The following SET variants were observed in gnomAD, a reference collection of about 807,000 sequenced individuals.
SET encodes the protein protein SET.
A neutral mutation model predicts 39.0 loss-of-function variants in SET; 4 were observed. The ratio of observed to expected loss-of-function variants is 0.10; its 90% confidence interval spans 0.05 to 0.23. The LOEUF (loss-of-function observed/expected upper bound fraction) is 0.23. Ranked by LOEUF, SET falls within the 10% of genes least tolerant of loss-of-function variation. The pLI is 1.00. For synonymous variants in SET, 114 were observed against 115.9 expected (o/e 0.98, Z 0.11); for missense variants, 137 against 329.7 (o/e 0.42, Z 4.53).
At chr9:128,687,028 G>T (rs1287345578), upstream of SET, among the ~76,000 whole-genome samples, 1 of 152,174 alleles carries the variant, frequency 6.6e-6, no homozygotes, top group African/African-American at 2.4e-5. Context: ...ATTGCTACTT[G>T]GTTTAGAATC....
In SET at chr9:128,693,880, CTT is replaced by C. The variant is rs140324291; in HGVS notation, c.664-5_664-4del. On this transcript the variant is annotated splice_polypyrimidine_tract_variant and intron_variant, in intron 6 of 7. Transcript: ENST00000322030. Reference sequence around the variant, plus strand: ...TTTAAAAATGAGTCCTTATATTGTGCTTTTTTTTTTTTAAGGTTCCCGATATG... The same window carrying C: ...TTTAAAAATGAGTCCTTATATTGTGCTTTTTTTTTTAAGGTTCCCGATATG... The C allele has an allele frequency of 1.1e-4, 142 of 1,282,202 alleles. No homozygotes were observed. Among genetic ancestry groups the C allele is most frequent in the Admixed American group, 2.6e-4 (12 of 45,856 alleles). The allele number at this position is 1,282,202 out of a possible 1,614,324, so 79.4% of individuals were successfully genotyped here. A position where few individuals can be genotyped will look rare whatever the true frequency, so the allele number is the denominator to read the frequency against.
chr9:128,690,917 G>A, intron 1 of SET: 1 of 539,062 alleles, frequency 1.9e-6, no homozygotes, highest in South Asian at 2.1e-5. Flanking sequence ...TCGGTCTGTT[G>A]TAGTGAAACT....
chr9:128,684,089 T>C (rs1408754619), intron 1 of SET: 1 of 1,136,848 alleles, frequency 8.8e-7, no homozygotes, highest in African/African-American at 1.6e-5. Flanking sequence ...CCAATCCCTC[T>C]TGAGATGTGA....
intron 1 of SET, 119 bp downstream of exon 1, chr9:128,689,774 G>A (rs1304411940): frequency 6.7e-6 from 1 of 149,972 alleles, no homozygotes; most frequent in Non-Finnish European, 1.4e-5. Context: ...GGGGCGCGGC[G>A]CGGCCGGGCG....
chr9:128,687,243 C>T (rs903524869), upstream of SET, among the ~76,000 whole-genome samples: 1 of 151,232 alleles, frequency 6.6e-6, no homozygotes, highest in Non-Finnish European at 1.5e-5. Context: ...CCTGTAATCC[C>T]AGATACTCGG....
In SET at chr9:128,694,790, G is replaced by C. The variant is rs1055658783; in HGVS notation, c.*126G>C. ...TGTGCTCAGTCGCCCTGTTCTTGAG[G>C]TCTCTTTTCTCTACTCCATGGTTCT... is the stretch of plus-strand genomic sequence containing the variant. On this transcript the variant is annotated 3_prime_UTR_variant, in exon 8 of 8. Transcript: ENST00000322030. 2 of 524,764 alleles carry C rather than the reference G, an allele frequency of 3.8e-6. No individual in the cohort carries two copies. The highest frequency in any genetic ancestry group is 6.4e-6 in the Non-Finnish European group (2 of 313,336). 32.5% of individuals were successfully genotyped at this position (524,764 alleles called of 1,614,324 possible). A position where few individuals can be genotyped will look rare whatever the true frequency, so the allele number is the denominator to read the frequency against.
chr9:128,684,971 T>C, upstream of SET: 1 of 1,372,670 alleles, frequency 7.3e-7, no homozygotes, highest in Non-Finnish European at 9.6e-7. Flanking sequence ...TGACTAGGTC[T>C]GGCTCATAGG....
upstream of SET, among the ~76,000 whole-genome samples, chr9:128,686,544 G>A (rs766137663): frequency 2.0e-5 from 3 of 152,192 alleles, no homozygotes; most frequent in African/African-American, 4.8e-5. Context: ...GGAGCGGGTC[G>A]TGAAATCAAT....
chr9:128,696,155 T>C lies in SET; in HGVS notation c.*1491T>C, dbSNP rs568770747. On this transcript the variant is annotated 3_prime_UTR_variant, in exon 8 of 8. Transcript: ENST00000322030. Reference sequence around the variant, plus strand: ...ATAAGCTTTTTAATGCTGTAAAATATAGTCGCTGAAATTAAATGCCACTTT... The same window carrying C: ...ATAAGCTTTTTAATGCTGTAAAATACAGTCGCTGAAATTAAATGCCACTTT... 33 of 215,364 alleles carry C rather than the reference T, an allele frequency of 1.5e-4. No individual in the cohort carries two copies. Among genetic ancestry groups the C allele is most frequent in the Middle Eastern group, 1.5e-3 (1 of 676 alleles). The allele number at this position is 215,364 out of a possible 1,614,324, so 13.3% of individuals were successfully genotyped here. A position where few individuals can be genotyped will look rare whatever the true frequency, so the allele number is the denominator to read the frequency against.
chr9:128,691,071 T>C, intron 1 of SET, 99 bp from the exon 2 acceptor site: 1 of 944,976 alleles, frequency 1.1e-6, no homozygotes, highest in South Asian at 1.3e-5. Context: ...CTAGGCGTTT[T>C]TGTTTTTGTT....
At chr9:128,691,789 T>C in intron 2 of SET, 69 bp from the exon 3 acceptor site, 1 of 1,462,826 alleles carries the variant, frequency 6.8e-7, no homozygotes, top group Non-Finnish European at 9.3e-7. Context: ...AAATACACTC[T>C]GTAATCTCAA....
intron 1 of SET, 70 bp from the exon 2 acceptor site, chr9:128,691,097 ATAT>A (rs1564359786): frequency 1.7e-6 from 2 of 1,176,384 alleles, no homozygotes; most frequent in South Asian, 2.5e-5. Flanking sequence ...GGCTTTTGGA[ATAT>A]TATAGTATTA....
At chr9:128,687,564 C>T (rs368569075), upstream of SET, among the ~76,000 whole-genome samples, 12 of 148,020 alleles carry the variant, frequency 8.1e-5, no homozygotes, top group East Asian at 2.4e-3. Context: ...GCTGAGATGG[C>T]ACCACTGCAC....
upstream of SET, among the ~76,000 whole-genome samples, chr9:128,688,522 C>T (rs1322478156): frequency 6.6e-6 from 1 of 152,128 alleles, no homozygotes; most frequent in South Asian, 2.1e-4. Context: ...CGCTGGGCAC[C>T]GCGGACTAAT....
chr9:128,691,455 T>G (rs1168187426), intron 2 of SET, among the ~76,000 whole-genome samples: 1 of 152,246 alleles, frequency 6.6e-6, no homozygotes, highest in African/African-American at 2.4e-5. Context: ...GACTGAAAAT[T>G]GTCTGAATTG....
chr9:128,695,962 A>G lies in SET; in HGVS notation c.*1298A>G, dbSNP rs939119956. ...TTGCTGGCATGTCTTCATTGGCTAT[A>G]TAAAATGTGGCCAAGAAGATAGGCT... On this transcript the variant is annotated 3_prime_UTR_variant, in exon 8 of 8. Transcript: ENST00000322030. 1.8e-5 allele frequency: 4 copies of G among 226,020 alleles called. No homozygotes were observed. The highest frequency in any genetic ancestry group is 3.5e-5 in the Non-Finnish European group (4 of 113,004). The allele number at this position is 226,020 out of a possible 1,614,324, so 14.0% of individuals were successfully genotyped here.
chr9:128,685,267 A>G, upstream of SET: 2 of 1,410,236 alleles, frequency 1.4e-6, no homozygotes, highest in Middle Eastern at 1.8e-4. Context: ...AATGGGATCC[A>G]CAGTACTGAT....
At chr9:128,692,619 G>A in intron 3 of SET, 43 bp from the exon 4 acceptor site, 2 of 1,263,944 alleles carry the variant, frequency 1.6e-6, no homozygotes, top group Non-Finnish European at 2.3e-6. Flanking sequence ...TTGTTAGTGT[G>A]TGCCTGTTGA....
chr9:128,683,431 A>C, upstream of SET: 1 of 224,950 alleles, frequency 4.4e-6, no homozygotes, highest in East Asian at 6.4e-5. Context: ...TTTACTGAGG[A>C]ATGTTCCAAG....
Sources: allele counts gnomAD v4.1 joint callset (sites outside exome capture counted in the v4.1 genomes callset), GRCh38; gene constraint gnomAD v4.1.1; transcripts MANE v1.5; gene names NCBI Gene and HGNC (gene_info 2026-07-23, HGNC 2026-07-21).